The following TRPM5 variants were observed in gnomAD, a reference collection of about 807,000 sequenced individuals.
TRPM5 encodes the protein transient receptor potential cation channel subfamily M member 5.
A neutral mutation model predicts 124.9 loss-of-function variants in TRPM5; 121 were observed. That is an observed-to-expected ratio of 0.97 (90% CI 0.84 to 1.13). The LOEUF (loss-of-function observed/expected upper bound fraction) is 1.13, where lower values mean the gene tolerates loss of function less well. TRPM5 is among the 50% of genes most tolerant of loss of function. The pLI is 0.00. For synonymous variants in TRPM5, 781 were observed against 700.5 expected (o/e 1.11, Z -1.81); for missense variants, 1,643 against 1,589.1 (o/e 1.03, Z -0.58).
chr11:2,405,962 T>A, intron 22 of TRPM5, 57 bp downstream of exon 27: 1 of 1,480,956 alleles, frequency 6.8e-7, no homozygotes, highest in Non-Finnish European at 9.4e-7. Context: ...CCCATCCCAG[T>A]AGCCCCACGC....
At chr11:2,423,017 G>C in exon 1 of TRPM5, 1 of 1,612,106 alleles carries the variant, frequency 6.2e-7, no homozygotes, top group Non-Finnish European at 8.5e-7. Context: ...TCCGGGACGG[G>C]GGCCTTGGAC....
At chr11:2,442,772 C>G in the TRPM5 span, among the ~76,000 whole-genome samples, 3 of 152,278 alleles carry the variant, frequency 2.0e-5, no homozygotes, top group South Asian at 4.1e-4. The surrounding 1 kb of genome is among the most constrained non-coding windows in gnomAD (Gnocchi z 5.9). Context: ...GATAAGCAAG[C>G]AGTGGTATCA....
At chr11:2,424,039 G>A (rs1454155538), upstream of TRPM5, among the ~76,000 whole-genome samples, 1 of 152,216 alleles carries the variant, frequency 6.6e-6, no homozygotes, top group Non-Finnish European at 1.5e-5. Flanking sequence ...CGGGTCACAG[G>A]CCGCTGGGCA....
chr11:2,432,090 G>A, the TRPM5 span, among the ~76,000 whole-genome samples: 16 of 152,192 alleles, frequency 1.1e-4, no homozygotes, highest in East Asian at 7.7e-4. Flanking sequence ...CCACACTCAC[G>A]CCCTGGGTGG....
At chr11:2,426,800 C>T (rs1476130902), upstream of TRPM5, among the ~76,000 whole-genome samples, 3 of 152,204 alleles carry the variant, frequency 2.0e-5, no homozygotes, top group Admixed American at 2.0e-4. Flanking sequence ...AAGGTCCCTG[C>T]GTGCAGCAGG....
At chr11:2,406,443 C>T (rs111603204) in intron 21 of TRPM5, among the ~76,000 whole-genome samples, 2 of 152,154 alleles carry the variant, frequency 1.3e-5, no homozygotes, top group East Asian at 1.9e-4. Context: ...GAGGGCGCCA[C>T]GGTCACTGTG....
chr11:2,421,282 T>G, intron 2 of TRPM5, 84 bp from the exon 8 acceptor site: 1 of 1,430,912 alleles, frequency 7.0e-7, no homozygotes, highest in Non-Finnish European at 9.2e-7. Flanking sequence ...CTAGGCCCAA[T>G]CAGCAGCCAG....
At chr11:2,422,805 G>A (rs1845791023) in intron 1 of TRPM5, 115 bp downstream of exon 6, 2 of 896,790 alleles carry the variant, frequency 2.2e-6, no homozygotes, top group South Asian at 1.3e-5. Context: ...GGCCCCAGGG[G>A]AGCAGACCCC....
At chr11:2,426,559 G>A (rs999225850), upstream of TRPM5, among the ~76,000 whole-genome samples, 3 of 152,064 alleles carry the variant, frequency 2.0e-5, no homozygotes, top group Admixed American at 2.0e-4. Flanking sequence ...CGGTGAAGGC[G>A]CTGGGGCTCC....
upstream of TRPM5, chr11:2,423,089 C>T (rs886461791): frequency 2.5e-5 from 36 of 1,430,046 alleles, no homozygotes; most frequent in African/African-American, 4.6e-4. Flanking sequence ...TGAGAAGGCC[C>T]ATCCCCACCT....
the TRPM5 span, among the ~76,000 whole-genome samples, chr11:2,429,938 C>A: frequency 2.6e-5 from 4 of 152,000 alleles, no homozygotes; most frequent in Admixed American, 6.6e-5. The surrounding 1 kb of genome is among the most constrained non-coding windows in gnomAD (Gnocchi z 8.4). Context: ...TCTGGCATTT[C>A]CCCTCACTCC....
At chr11:2,421,999 G>A in intron 2 of TRPM5, 142 bp downstream of exon 7, 1 of 783,702 alleles carries the variant, frequency 1.3e-6, no homozygotes, top group South Asian at 1.9e-5. Flanking sequence ...TGGGAGCATT[G>A]CCTGTGCCGG....
chr11:2,405,380 C>G, intron 23 of TRPM5, 147 bp downstream of exon 28: 1 of 823,986 alleles, frequency 1.2e-6, no homozygotes, highest in Non-Finnish European at 1.9e-6. Context: ...CCCACACCAC[C>G]CTGAAGAGCC....
Position 2,409,435 on chromosome 11 carries a change from G to A in TRPM5, c.2783-1523C>T, listed in dbSNP as rs145527314. Among the ~76,000 whole-genome samples the A allele has an allele frequency of 1.1e-3, 167 of 152,300 alleles. 2 individuals are homozygous for A. In the South Asian group the frequency reaches 0.016, roughly 14 times the overall value. ...TGATTTGGGAAGGCGCCACCAGGCC[G>A]GGCTGGAAATTAAATTGTCCCTGGG... On this transcript the variant is annotated intron_variant, in intron 18 of 23. Coordinates refer to ENST00000155858, the Ensembl canonical transcript of TRPM5.
intron 13 of TRPM5, 76 bp from the exon 19 acceptor site, chr11:2,413,302 T>C: frequency 2.8e-6 from 4 of 1,414,624 alleles, no homozygotes; most frequent in Non-Finnish European, 3.8e-6. Context: ...CGCTTGGCCA[T>C]CAAAGTGCCC....
At chr11:2,426,059 G>C (rs888953506), upstream of TRPM5, among the ~76,000 whole-genome samples, 1 of 152,176 alleles carries the variant, frequency 6.6e-6, no homozygotes, top group East Asian at 1.9e-4. Flanking sequence ...CCTGGAGCTC[G>C]GCAGTGCCTC....
intron 22 of TRPM5, 136 bp from the exon 28 acceptor site, chr11:2,405,729 A>T: frequency 1.0e-6 from 1 of 1,001,138 alleles, no homozygotes; most frequent in Non-Finnish European, 1.5e-6. Context: ...TGCCGCTCAC[A>T]GGCAGGGGTG....
chr11:2,417,812 T>C, exon 7 of TRPM5: 1 of 1,553,334 alleles, frequency 6.4e-7, no homozygotes, highest in Non-Finnish European at 8.7e-7. Flanking sequence ...GGTGCTGGTG[T>C]GAGGTGATGT....
chr11:2,412,274 C>T (rs1235752584), intron 15 of TRPM5, 21 bp from the exon 21 acceptor site: 12 of 1,585,976 alleles, frequency 7.6e-6, no homozygotes, highest in African/African-American at 1.3e-5. Context: ...GGTGGGCAGT[C>T]CACTGACAGC....
Sources: allele counts gnomAD v4.1 joint callset (sites outside exome capture counted in the v4.1 genomes callset), GRCh38; gene constraint gnomAD v4.1.1; non-coding constraint Gnocchi (gnomAD v3.1); transcripts MANE v1.5; gene names NCBI Gene and HGNC (gene_info 2026-07-23, HGNC 2026-07-21).